GALNT17: variants seen among roughly 807,000 people sequenced by gnomAD.
GALNT17 encodes polypeptide N-acetylgalactosaminyltransferase 17, also known as UDP-GalNAc:polypeptide N-acetylgalactosaminyltransferase-like 3.
GALNT17 carries 29 observed loss-of-function variants against 63.7 expected under a neutral mutation model. The ratio of observed to expected loss-of-function variants is 0.46; its 90% confidence interval spans 0.34 to 0.62. The LOEUF (loss-of-function observed/expected upper bound fraction) is 0.62. GALNT17 is among the 20% of genes least tolerant of loss of function. The probability of loss-of-function intolerance (pLI) is 0.01; values close to 1 mark genes in which losing one functional copy is unlikely to be tolerated. For missense variants in GALNT17, 603 were observed against 799.6 expected (o/e 0.75, Z 2.97); for synonymous variants, 305 against 318.3 (o/e 0.96, Z 0.45).
At chr7:71,389,427 G>T (rs574266292) in intron 3 of GALNT17, among the ~76,000 whole-genome samples, 34 of 152,124 alleles carry the variant, frequency 2.2e-4, no homozygotes, top group Non-Finnish European at 4.4e-4. Context: ...GAGCCACCGT[G>T]CCTGGCTGGT....
At chr7:71,174,696 G>T (rs1405318099) in intron 1 of GALNT17, among the ~76,000 whole-genome samples, 2 of 152,160 alleles carry the variant, frequency 1.3e-5, no homozygotes, top group African/African-American at 2.4e-5. Context: ...TCTTAAGGGT[G>T]GGGGAGATTA....
At chr7:71,443,359 G>C (rs190808892) in intron 5 of GALNT17, among the ~76,000 whole-genome samples, 1 of 152,192 alleles carries the variant, frequency 6.6e-6, no homozygotes, top group African/African-American at 2.4e-5. Flanking sequence ...GATATTTGTC[G>C]CTTCCGAATC....
chr7:71,412,752 A>G (rs1391595991), intron 3 of GALNT17, among the ~76,000 whole-genome samples: 1 of 152,106 alleles, frequency 6.6e-6, no homozygotes, highest in East Asian at 1.9e-4. Context: ...TTTTAAATCA[A>G]TCTTATCTGG....
intron 5 of GALNT17, among the ~76,000 whole-genome samples, chr7:71,457,725 G>T (rs1185817307): frequency 6.6e-6 from 1 of 152,104 alleles, no homozygotes; most frequent in Admixed American, 6.5e-5. Flanking sequence ...TCTTGGTTTT[G>T]GTGGGTTTTA....
At chr7:71,232,450 G>A (rs1433759506) in intron 1 of GALNT17, among the ~76,000 whole-genome samples, 1 of 152,048 alleles carries the variant, frequency 6.6e-6, no homozygotes, top group East Asian at 1.9e-4. Flanking sequence ...GGGGAGTAGG[G>A]GGGAGTCACA....
At position 71,318,421 on chromosome 7, in the gene GALNT17, TGTG is replaced by T. The variant is rs1562997956; in HGVS notation, c.239-17128_239-17126del. On this transcript the variant is annotated intron_variant, in intron 1 of 10. Coordinates refer to ENST00000333538, the MANE Select transcript of GALNT17 (RefSeq NM_022479.3). ...CCATTCCCTGAAGCTCTTTTTTTTT[TGTG>T]TGTGTGTGGGGGGTGGGATATAGTC... 6.2e-5 allele frequency among the ~76,000 whole-genome samples: 9 copies of T among 145,550 alleles called. 1 individual carries two copies. The highest frequency in any genetic ancestry group is 4.4e-4 in the South Asian group (2 of 4,506).
intron 5 of GALNT17, among the ~76,000 whole-genome samples, chr7:71,561,290 G>C (rs1789252073): frequency 6.6e-6 from 1 of 152,090 alleles, no homozygotes; most frequent in Admixed American, 6.5e-5. Context: ...GGGATTACAG[G>C]CATGAGCCAC....
intron 6 of GALNT17, among the ~76,000 whole-genome samples, chr7:71,597,139 A>G (rs1005761886): frequency 2.0e-5 from 3 of 151,868 alleles, no homozygotes; most frequent in Non-Finnish European, 4.4e-5. Flanking sequence ...CCGGGCTCAC[A>G]CCATTCCCCT....
At chr7:71,467,305 T>C (rs565425774) in intron 5 of GALNT17, among the ~76,000 whole-genome samples, 3 of 152,296 alleles carry the variant, frequency 2.0e-5, no homozygotes, top group South Asian at 4.1e-4. Context: ...CATGTCTCTG[T>C]TTCATTTTCA....
At chr7:71,249,538 C>T (rs1370066607) in intron 1 of GALNT17, among the ~76,000 whole-genome samples, 1 of 152,240 alleles carries the variant, frequency 6.6e-6, no homozygotes, top group Non-Finnish European at 1.5e-5. Flanking sequence ...ATTTATTTTC[C>T]AATATGGTTT....
intron 2 of GALNT17, among the ~76,000 whole-genome samples, chr7:71,370,097 A>G (rs1464466507): frequency 1.3e-5 from 2 of 152,178 alleles, no homozygotes; most frequent in South Asian, 4.1e-4. Context: ...CGGCTTCTTA[A>G]TAAAACACCC....
chr7:71,208,449 C>CTT (rs11341410), intron 1 of GALNT17, among the ~76,000 whole-genome samples: 53 of 113,420 alleles, frequency 4.7e-4, no homozygotes, highest in South Asian at 5.6e-4. Flanking sequence ...TTAATAAATG[C>CTT]TTTTTTTTTT....
At chr7:71,595,190 G>A (rs550341817) in intron 6 of GALNT17, among the ~76,000 whole-genome samples, 3 of 152,274 alleles carry the variant, frequency 2.0e-5, no homozygotes, top group Non-Finnish European at 4.4e-5. Context: ...AGGAAGCCGG[G>A]ACCTGAGAAT....
At chr7:71,279,542 A>G (rs573241643) in intron 1 of GALNT17, among the ~76,000 whole-genome samples, 1 of 151,800 alleles carries the variant, frequency 6.6e-6, no homozygotes, top group Non-Finnish European at 1.5e-5. Context: ...CATTGGATTC[A>G]TCCTAATCTA....
intron 5 of GALNT17, among the ~76,000 whole-genome samples, chr7:71,562,714 G>C (rs1789276253): frequency 6.6e-6 from 1 of 152,196 alleles, no homozygotes; most frequent in Admixed American, 6.5e-5. Flanking sequence ...CTCACCTCCT[G>C]ATGGGCAACT....
At chr7:71,593,883 C>CT (rs1337947318) in intron 6 of GALNT17, among the ~76,000 whole-genome samples, 1 of 152,178 alleles carries the variant, frequency 6.6e-6, no homozygotes, top group African/African-American at 2.4e-5. Flanking sequence ...TGCTTTTAGA[C>CT]TTTTCTTTTT....
At chr7:71,613,493 G>A (rs1408721474) in intron 6 of GALNT17, among the ~76,000 whole-genome samples, 6 of 152,194 alleles carry the variant, frequency 3.9e-5, no homozygotes, top group Admixed American at 3.9e-4. Context: ...CTCTGCAGAC[G>A]TTTCAGCCAA....
At chr7:71,614,954 T>G (rs2116959341) in intron 6 of GALNT17, among the ~76,000 whole-genome samples, 1 of 151,876 alleles carries the variant, frequency 6.6e-6, no homozygotes, top group East Asian at 1.9e-4. Context: ...TCTCAAGCAC[T>G]TCGAATAAGG....
chr7:71,617,910 G>A (rs1309735312), intron 6 of GALNT17, among the ~76,000 whole-genome samples: 1 of 152,004 alleles, frequency 6.6e-6, no homozygotes, highest in Non-Finnish European at 1.5e-5. Context: ...ACCTCCTAAA[G>A]TGCTGGGATT....
Sources: allele counts gnomAD v4.1 joint callset (sites outside exome capture counted in the v4.1 genomes callset), GRCh38; gene constraint gnomAD v4.1.1; transcripts MANE v1.5; gene names NCBI Gene and HGNC (gene_info 2026-07-23, HGNC 2026-07-21).